The following WWOX variants were observed in gnomAD, a reference collection of about 807,000 sequenced individuals.
WWOX encodes the protein WW domain-containing oxidoreductase.
A neutral mutation model predicts 46.2 loss-of-function variants in WWOX; 69 were observed. The observed-to-expected ratio is 1.49, with a 90% confidence interval of 1.23 to 1.82. WWOX has a LOEUF of 1.82. WWOX is among the 40% of genes most tolerant of loss of function. The pLI, the probability that WWOX is intolerant of heterozygous loss-of-function variation, is 0.00. For missense variants in WWOX, 919 were observed against 542.6 expected (o/e 1.69, Z -6.89); for synonymous variants, 359 against 202.6 (o/e 1.77, Z -6.56).
chr16:79,200,685 C>G (rs746137288), intron 8 of WWOX, among the ~76,000 whole-genome samples: 2 of 152,104 alleles, frequency 1.3e-5, no homozygotes, highest in Admixed American at 1.3e-4. Context: ...CCCTAAGCAG[C>G]TATTGAGCCT....
chr16:78,657,269 G>A (rs566397773), intron 8 of WWOX, among the ~76,000 whole-genome samples: 2 of 152,224 alleles, frequency 1.3e-5, no homozygotes, highest in African/African-American at 2.4e-5. Flanking sequence ...GAGTGAAGAC[G>A]CTCTTCTCTG....
intron 8 of WWOX, among the ~76,000 whole-genome samples, chr16:78,899,805 T>C (rs1286887811): frequency 1.3e-5 from 2 of 152,220 alleles, no homozygotes; most frequent in Non-Finnish European, 2.9e-5. Flanking sequence ...ATTTGTGTTG[T>C]AGCTTGGAAA....
chr16:78,509,938 A>G (rs906787767), intron 8 of WWOX, among the ~76,000 whole-genome samples: 46 of 150,994 alleles, frequency 3.0e-4, no homozygotes, highest in East Asian at 1.2e-3. Context: ...AAAAAAAAAA[A>G]AAAGAAAGAA....
At chr16:78,753,504 C>T (rs1055640293) in intron 8 of WWOX, among the ~76,000 whole-genome samples, 4 of 151,772 alleles carry the variant, frequency 2.6e-5, no homozygotes, top group Non-Finnish European at 2.9e-5. Flanking sequence ...TTATAGCCTT[C>T]TTAAATAAAA....
intron 8 of WWOX, among the ~76,000 whole-genome samples, chr16:78,793,232 A>T (rs1210683531): frequency 6.6e-6 from 1 of 151,924 alleles, no homozygotes; most frequent in African/African-American, 2.4e-5. Context: ...GCTAATTTTT[A>T]TATTTTTTTG....
At chr16:78,250,857 C>G (rs4371167) in intron 5 of WWOX, among the ~76,000 whole-genome samples, 2,120 of 152,278 alleles carry the variant, frequency 0.014, 51 homozygotes, top group African/African-American at 0.049. Context: ...TAACACCCTC[C>G]CCCTAACAAC....
At chr16:78,860,496 G>GA (rs976729602) in intron 8 of WWOX, among the ~76,000 whole-genome samples, 2 of 151,310 alleles carry the variant, frequency 1.3e-5, no homozygotes, top group African/African-American at 4.8e-5. Context: ...GACATTCAAA[G>GA]AAAAAAGAAG....
chr16:78,461,255 C>A (rs2738653), intron 8 of WWOX, among the ~76,000 whole-genome samples: 1 of 152,086 alleles, frequency 6.6e-6, no homozygotes, highest in Non-Finnish European at 1.5e-5. Flanking sequence ...TCCTGGGCAT[C>A]CTGTATTTGA....
chr16:78,957,529 C>G (rs1419965558), intron 8 of WWOX, among the ~76,000 whole-genome samples: 2 of 152,172 alleles, frequency 1.3e-5, no homozygotes, highest in African/African-American at 2.4e-5. Flanking sequence ...CTGAGAATGT[C>G]TACTGCTGCA....
At chr16:78,557,882 A>C (rs1219033331) in intron 8 of WWOX, among the ~76,000 whole-genome samples, 1 of 151,834 alleles carries the variant, frequency 6.6e-6, no homozygotes, top group Non-Finnish European at 1.5e-5. Context: ...TTTTTAGTAG[A>C]AACAGTGTTT....
At chr16:78,652,407 T>TC (rs2046985747) in intron 8 of WWOX, among the ~76,000 whole-genome samples, 1 of 76,866 alleles carries the variant, frequency 1.3e-5, no homozygotes, top group Non-Finnish European at 2.3e-5. Flanking sequence ...AGACTCCGTC[T>TC]CAAAAAAAAA....
chr16:78,718,131 T>C lies in WWOX; in HGVS notation c.1056+285379T>C, dbSNP rs1291921932. On this transcript the variant is annotated intron_variant, in intron 8 of 8. Transcript: ENST00000566780. Reference sequence around the variant, plus strand: ...TCAACGGTTATTTATAGAGAAAGTATGGGCCATTGCATGTTTATAGTATCT... The same window carrying C: ...TCAACGGTTATTTATAGAGAAAGTACGGGCCATTGCATGTTTATAGTATCT... 4.0e-5 allele frequency among the ~76,000 whole-genome samples: 6 copies of C among 151,296 alleles called. No individual in the cohort carries two copies. The East Asian group carries it at 9.7e-4, about 24-fold the overall frequency.
At position 78,857,553 on chromosome 16, in the gene WWOX, C is replaced by T. The variant is rs539136225; in HGVS notation, c.1057-354055C>T. 7.2e-5 allele frequency among the ~76,000 whole-genome samples: 11 copies of T among 152,286 alleles called. No homozygotes were observed. In the South Asian group the frequency reaches 2.1e-3, roughly 29 times the overall value. Reference sequence around the variant, plus strand: ...TTCTGAGAAATCAGTCACCCATCTACCCAAGCTGACTGTCGGTCAAGAGTC... The same window carrying T: ...TTCTGAGAAATCAGTCACCCATCTATCCAAGCTGACTGTCGGTCAAGAGTC... On this transcript the variant is annotated intron_variant, in intron 8 of 8. Coordinates refer to ENST00000566780, the MANE Select transcript of WWOX (RefSeq NM_016373.4).
intron 8 of WWOX, among the ~76,000 whole-genome samples, chr16:78,623,430 A>G (rs1266981208): frequency 6.6e-6 from 1 of 152,162 alleles, no homozygotes; most frequent in Non-Finnish European, 1.5e-5. Context: ...CTGTCATTCC[A>G]GCACTTTGGG....
chr16:78,753,871 T>C (rs560538995), intron 8 of WWOX, among the ~76,000 whole-genome samples: 87 of 131,384 alleles, frequency 6.6e-4, no homozygotes, highest in African/African-American at 2.4e-3. Flanking sequence ...TGTATATGTA[T>C]ATATAAATTT....
chr16:78,563,435 A>G (rs188711533), intron 8 of WWOX, among the ~76,000 whole-genome samples: 1 of 151,192 alleles, frequency 6.6e-6, no homozygotes, highest in East Asian at 2.0e-4. Flanking sequence ...ATAACAACGT[A>G]GGAGGGAGAA....
intron 8 of WWOX, among the ~76,000 whole-genome samples, chr16:79,050,689 T>C (rs567363337): frequency 5.5e-4 from 83 of 152,178 alleles, no homozygotes; most frequent in African/African-American, 1.6e-3. Context: ...TCCGTTACAA[T>C]TGAAAAAATC....
intron 8 of WWOX, among the ~76,000 whole-genome samples, chr16:79,186,951 A>T (rs1296785300): frequency 1.3e-5 from 2 of 152,216 alleles, no homozygotes; most frequent in Non-Finnish European, 2.9e-5. Context: ...GTGGAGTGAC[A>T]GGTGTCACTA....
chr16:78,125,377 A>G (rs943017461), intron 4 of WWOX, among the ~76,000 whole-genome samples: 4 of 152,090 alleles, frequency 2.6e-5, no homozygotes, highest in Admixed American at 1.3e-4. Flanking sequence ...GTTGGGAGGA[A>G]TAACAGCACA....
Sources: gnomAD v4.1 joint callset for allele counts (sites outside exome capture counted in the v4.1 genomes callset) on GRCh38, gnomAD v4.1.1 for gene constraint, MANE v1.5 for transcripts, NCBI Gene and HGNC (gene_info 2026-07-23, HGNC 2026-07-21) for gene names.